Variants in USP14 observed in about 807,000 individuals in gnomAD.
USP14 encodes the protein ubiquitin carboxyl-terminal hydrolase 14.
A neutral mutation model predicts 76.5 loss-of-function variants in USP14; 38 were observed. The observed-to-expected ratio is 0.50, with a 90% CI of 0.38 to 0.65. USP14 has a LOEUF of 0.65. Among genes scored for constraint, USP14 ranks in the 30% least tolerant of loss-of-function variants. The pLI is 0.00. For synonymous variants in USP14, 192 were observed against 191.7 expected (o/e 1.00, Z -0.01); for missense variants, 467 against 586.5 (o/e 0.80, Z 2.10).
At chr18:189,138 A>G (rs1201516525) in intron 5 of USP14, among the ~76,000 whole-genome samples, 1 of 149,954 alleles carries the variant, frequency 6.7e-6, no homozygotes, top group Non-Finnish European at 1.5e-5. Flanking sequence ...CTTATTTGTT[A>G]TATTTGTGTT....
chr18:159,559 G>T (rs972007379), intron 1 of USP14, among the ~76,000 whole-genome samples: 5 of 152,160 alleles, frequency 3.3e-5, no homozygotes, highest in African/African-American at 7.2e-5. Context: ...TTCTGTTACA[G>T]TTCCTTTATT....
exon 16 of USP14, chr18:214,623 A>AAGCTAACT: frequency 6.3e-7 from 1 of 1,585,878 alleles, no homozygotes; most frequent in Non-Finnish European, 8.6e-7. Context: ...AAAAAAAAAG[A>AAGCTAACT]AGCTAACTAT....
Position 197,643 on chromosome 18 carries a change from A to G in USP14, c.622A>G (p.Met208Val). 6.2e-7 allele frequency: 1 copy of G among 1,612,546 alleles called. No individual in the cohort carries two copies. The highest frequency in any genetic ancestry group is 8.5e-7 in the Non-Finnish European group (1 of 1,179,140). ...QDANECWIQM[M>V]RVLQQKLEAI... is the part of the protein sequence containing the mutation. ...TGCTAATGAATGTTGGATACAAATGATGCGAGTATTGCAACAGAAATTGGA... is the reference window on the plus strand; with the variant it reads ...TGCTAATGAATGTTGGATACAAATGGTGCGAGTATTGCAACAGAAATTGGA... The change falls in exon 8 of 16, where the codon ATG becomes GTG. Residue 208 changes from methionine (M) to valine (V), a missense_variant. Met to Val is a conservative substitution (Grantham distance 21, BLOSUM62 1). Coordinates refer to ENST00000261601, the MANE Select transcript of USP14 (RefSeq NM_005151.4).
chr18:198,511 G>A (rs1012852343), intron 9 of USP14, among the ~76,000 whole-genome samples: 13 of 152,024 alleles, frequency 8.6e-5, no homozygotes, highest in East Asian at 1.9e-4. Context: ...GAGCCACCGC[G>A]CCCAGCCCAG....
chr18:195,943 A>G lies in USP14; in HGVS notation c.464-694A>G, dbSNP rs189067955. 4.1e-3 allele frequency among the ~76,000 whole-genome samples: 630 copies of G among 152,290 alleles called. 8 individuals carry two copies. The highest frequency in any genetic ancestry group is 6.6e-3 in the Non-Finnish European group (446 of 68,022). ...GTTTACAGCTAGTGATTGCTTTGTAAGGTCTTCTGGTGAGTTAAGATTTAA... is the reference window on the plus strand; with the variant it reads ...GTTTACAGCTAGTGATTGCTTTGTAGGGTCTTCTGGTGAGTTAAGATTTAA... On this transcript the variant is annotated intron_variant, in intron 6 of 15. Coordinates refer to ENST00000261601, the MANE Select transcript of USP14 (RefSeq NM_005151.4).
intron 1 of USP14, among the ~76,000 whole-genome samples, chr18:160,841 A>G (rs1345901633): frequency 6.6e-6 from 1 of 152,204 alleles, no homozygotes; most frequent in Admixed American, 6.5e-5. Context: ...ATCTAATAGT[A>G]TTCAAACCAG....
At chr18:162,708 T>C (rs1396058825) in intron 1 of USP14, among the ~76,000 whole-genome samples, 8 of 152,142 alleles carry the variant, frequency 5.3e-5, no homozygotes, top group African/African-American at 1.9e-4. Context: ...TTCAATATGA[T>C]CATATTGTTG....
chr18:163,246 TA>T, intron 1 of USP14, 61 bp from the exon 2 acceptor site: 1 of 1,483,190 alleles, frequency 6.7e-7, no homozygotes. Context: ...GGTGATCTTC[TA>T]AGGGTCTGTA....
intron 3 of USP14, among the ~76,000 whole-genome samples, chr18:176,753 T>G (rs1413589661): frequency 6.6e-6 from 1 of 152,142 alleles, no homozygotes; most frequent in African/African-American, 2.4e-5. Context: ...CATTCTTTTA[T>G]GAATATTAAT....
chr18:192,731 G>C, intron 5 of USP14, 111 bp from the exon 6 acceptor site: 1 of 913,826 alleles, frequency 1.1e-6, no homozygotes, highest in South Asian at 1.7e-5. Context: ...GAACAACTCT[G>C]AGAAACTTGC....
chr18:212,358 G>A lies in USP14; in HGVS notation c.*1074G>A, dbSNP rs934949270. The A allele has an allele frequency of 6.6e-6, 1 of 152,348 alleles. No individual in the cohort carries two copies. Among genetic ancestry groups the A allele is most frequent in the Non-Finnish European group, 1.5e-5 (1 of 68,186 alleles). The allele number at this position is 152,348 out of a possible 1,614,324, so 9.4% of individuals were successfully genotyped here. Reference sequence around the variant, plus strand: ...ACGGTGGCTCACGCCTGTAATCCCAGCACTTTGGGAGGCTGAGGCAGGTGG... The same window carrying A: ...ACGGTGGCTCACGCCTGTAATCCCAACACTTTGGGAGGCTGAGGCAGGTGG... On this transcript the variant is annotated 3_prime_UTR_variant, in exon 16 of 16. Coordinates refer to ENST00000261601, the MANE Select transcript of USP14 (RefSeq NM_005151.4).
intron 5 of USP14, among the ~76,000 whole-genome samples, chr18:188,166 T>C (rs1909984689): frequency 6.6e-6 from 1 of 152,154 alleles, no homozygotes; most frequent in Admixed American, 6.5e-5. Context: ...TTTTTCTTTT[T>C]TCTTTTTTTC....
At chr18:190,377 A>G (rs1299379297) in intron 5 of USP14, among the ~76,000 whole-genome samples, 1 of 152,174 alleles carries the variant, frequency 6.6e-6, no homozygotes, top group East Asian at 1.9e-4. Context: ...CAGTTTTAGT[A>G]TGTTTTGCCA....
In USP14 at chr18:178,812, T is replaced by C; in HGVS notation, c.196-121T>C. ...AGCAACTAATCTACTTTCTGCAGAT[T>C]TACTTTTTTTGGCAAATAGAATTAT... On this transcript the variant is annotated intron_variant, in intron 3 of 15. Transcript: ENST00000261601. The C allele has an allele frequency of 7.6e-6, 5 of 656,874 alleles. No homozygotes were observed. In the South Asian group the frequency reaches 1.0e-4, roughly 13 times the overall value. The allele number at this position is 656,874 out of a possible 1,614,324, so 40.7% of individuals were successfully genotyped here.
At position 214,557 on chromosome 18, in the gene USP14, G is replaced by T; in HGVS notation, c.*3273G>T. On this transcript the variant is annotated 3_prime_UTR_variant, in exon 16 of 16. Coordinates refer to ENST00000261601, the MANE Select transcript of USP14 (RefSeq NM_005151.4). ...TGTTTATTGTTTACCAAAACCAGTG[G>T]ACCTCTTATCAAATGCTGCTTGGTA... 8.0e-7 allele frequency: 1 copy of T among 1,251,810 alleles called. No individual in the cohort carries two copies. Among genetic ancestry groups the T allele is most frequent in the Non-Finnish European group, 1.1e-6 (1 of 889,980 alleles). 77.5% of individuals were successfully genotyped at this position (1,251,810 alleles called of 1,614,324 possible).
chr18:191,649 A>G lies in USP14; in HGVS notation c.405-1193A>G, dbSNP rs150540490. Among the ~76,000 whole-genome samples, 299 of 152,330 alleles carry G rather than the reference A, an allele frequency of 2.0e-3. 3 individuals carry two copies. Among genetic ancestry groups the G allele is most frequent in the African/African-American group, 6.7e-3 (277 of 41,568 alleles). On this transcript the variant is annotated intron_variant, in intron 5 of 15. Transcript: ENST00000261601. Reference sequence around the variant, plus strand: ...GTTTGCACATTCTGAAACGTAAAATAAACGGAATCCTACAGGTCATGCTTT... The same window carrying G: ...GTTTGCACATTCTGAAACGTAAAATGAACGGAATCCTACAGGTCATGCTTT...
intron 13 of USP14, among the ~76,000 whole-genome samples, chr18:207,548 G>A (rs1485007649): frequency 4.8e-5 from 7 of 144,356 alleles, no homozygotes; most frequent in African/African-American, 9.9e-5. Context: ...GCGTGGTGGC[G>A]TGTGCCTGTA....
chr18:208,358 A>G (rs1406270304), intron 13 of USP14, among the ~76,000 whole-genome samples: 4 of 152,082 alleles, frequency 2.6e-5, no homozygotes, highest in Non-Finnish European at 5.9e-5. Flanking sequence ...ATCCCGTTTC[A>G]TTGCTGATAT....
chr18:177,021 A>G (rs918639572), intron 3 of USP14, among the ~76,000 whole-genome samples: 2 of 152,204 alleles, frequency 1.3e-5, no homozygotes, highest in East Asian at 1.9e-4. Flanking sequence ...TTAAATTTAT[A>G]TAACTATAAT....
Sources: gnomAD v4.1 joint callset for allele counts (sites outside exome capture counted in the v4.1 genomes callset) on GRCh38, gnomAD v4.1.1 for gene constraint, MANE v1.5 for transcripts, NCBI Gene and HGNC (gene_info 2026-07-23, HGNC 2026-07-21) for gene names.